PDE10A: variants seen among roughly 807,000 people sequenced by gnomAD.
PDE10A encodes phosphodiesterase 10A, also known as cAMP and cAMP-inhibited cGMP 3',5'-cyclic phosphodiesterase 10A.
Under a neutral mutation model 97.7 loss-of-function variants are expected in PDE10A, and 39 were observed. The ratio of observed to expected loss-of-function variants is 0.40; its 90% CI spans 0.31 to 0.52. PDE10A has a LOEUF of 0.52. PDE10A is among the 20% of genes least tolerant of loss of function. The probability of loss-of-function intolerance (pLI) is 0.56; values close to 1 mark genes in which losing one functional copy is unlikely to be tolerated. For missense variants in PDE10A, 731 were observed against 1,047.8 expected, an observed-to-expected ratio of 0.70 and a Z score of 4.17; for synonymous variants, 371 against 376.8, an observed-to-expected ratio of 0.98 and a Z score of 0.18.
chr6:165,677,243 C>G lies in PDE10A; in HGVS notation c.-614-133675G>C, dbSNP rs2128438324. 2.0e-5 allele frequency among the ~76,000 whole-genome samples: 3 copies of G among 152,322 alleles called. No homozygotes were observed. In the Middle Eastern group the frequency reaches 0.01, roughly 518 times the overall value. ...TTCAAGAGAAAAAGGCTGAGGTCCT[C>G]TAAGGAAGAAGAAATCTGCTTCCCA... On this transcript the variant is annotated intron_variant, in intron 1 of 19. Transcript: ENST00000366882.
chr6:165,964,807 G>A (rs1323133970), intron 1 of PDE10A, among the ~76,000 whole-genome samples: 2 of 152,302 alleles, frequency 1.3e-5, no homozygotes, highest in African/African-American at 2.4e-5. Context: ...ACATAATGAT[G>A]AGAAAGGTGC....
chr6:165,358,855 T>C (rs1783203108), intron 18 of PDE10A, among the ~76,000 whole-genome samples: 1 of 151,844 alleles, frequency 6.6e-6, no homozygotes, highest in Non-Finnish European at 1.5e-5. Context: ...AATATGCATA[T>C]TCTAATCTCT....
intron 1 of PDE10A, among the ~76,000 whole-genome samples, chr6:165,973,194 A>C (rs557283400): frequency 6.6e-6 from 1 of 152,296 alleles, no homozygotes; most frequent in Admixed American, 6.5e-5. Context: ...CGAGGCTGGC[A>C]GATCACATGA....
chr6:165,766,078 C>A (rs1289687614), intron 1 of PDE10A, among the ~76,000 whole-genome samples: 3 of 152,182 alleles, frequency 2.0e-5, no homozygotes, highest in Admixed American at 6.5e-5. Flanking sequence ...CCTCTTAGTT[C>A]CTAACTCTTC....
intron 1 of PDE10A, among the ~76,000 whole-genome samples, chr6:165,604,691 T>C (rs1787126809): frequency 6.6e-6 from 1 of 152,222 alleles, no homozygotes; most frequent in Non-Finnish European, 1.5e-5. Flanking sequence ...AGCAGATCTC[T>C]TAGGTACTTC....
chr6:165,605,008 G>T (rs1787141301), intron 1 of PDE10A, among the ~76,000 whole-genome samples: 2 of 152,182 alleles, frequency 1.3e-5, no homozygotes, highest in African/African-American at 4.8e-5. Context: ...CACCACATTA[G>T]AAGTGTGGTA....
chr6:165,848,772 G>C (rs983732696), intron 1 of PDE10A, among the ~76,000 whole-genome samples: 1 of 152,146 alleles, frequency 6.6e-6, no homozygotes, highest in Non-Finnish European at 1.5e-5. Flanking sequence ...GGGAATCAAG[G>C]TTGGTTAATC....
At chr6:165,860,392 C>A (rs558688821) in intron 1 of PDE10A, among the ~76,000 whole-genome samples, 2 of 152,110 alleles carry the variant, frequency 1.3e-5, no homozygotes, top group African/African-American at 4.8e-5. Flanking sequence ...GCAGAGGTTG[C>A]GGTGAGCCGA....
intron 1 of PDE10A, among the ~76,000 whole-genome samples, chr6:165,903,820 C>T (rs751762197): frequency 3.9e-5 from 6 of 152,076 alleles, no homozygotes; most frequent in East Asian, 1.9e-4. Flanking sequence ...GAGGATGAGA[C>T]GTCCTAGGAA....
At chr6:165,380,235 T>C (rs1270327878) in intron 17 of PDE10A, among the ~76,000 whole-genome samples, 1 of 152,234 alleles carries the variant, frequency 6.6e-6, no homozygotes. Context: ...ATTTTGATAT[T>C]ATTTCATTAT....
At chr6:165,855,304 G>GC (rs1780698095) in intron 1 of PDE10A, among the ~76,000 whole-genome samples, 1 of 66,106 alleles carries the variant, frequency 1.5e-5, no homozygotes, top group East Asian at 3.2e-4. Context: ...GCGGGAAGTG[G>GC]CGGGGGGGGG....
At chr6:165,878,432 G>A (rs1781399757) in intron 1 of PDE10A, among the ~76,000 whole-genome samples, 1 of 152,174 alleles carries the variant, frequency 6.6e-6, no homozygotes, top group African/African-American at 2.4e-5. Context: ...CATCAGCTTT[G>A]AAGCATCAAT....
chr6:165,586,597 G>A (rs1192263775), intron 1 of PDE10A, among the ~76,000 whole-genome samples: 1 of 152,042 alleles, frequency 6.6e-6, no homozygotes, highest in African/African-American at 2.4e-5. Context: ...ATCCACAAGG[G>A]CCAAATGATA....
intron 1 of PDE10A, among the ~76,000 whole-genome samples, chr6:165,705,760 G>T (rs1472343257): frequency 6.6e-6 from 1 of 152,160 alleles, no homozygotes; most frequent in East Asian, 1.9e-4. Flanking sequence ...AAGATGCCAT[G>T]ACTTTAAAAA....
At chr6:165,457,088 T>C (rs1210188481) in intron 3 of PDE10A, among the ~76,000 whole-genome samples, 2 of 152,196 alleles carry the variant, frequency 1.3e-5, no homozygotes, top group African/African-American at 2.4e-5. Flanking sequence ...TCAAATCACA[T>C]ACTTGTAAGA....
intron 18 of PDE10A, among the ~76,000 whole-genome samples, chr6:165,354,366 C>A (rs1481283350): frequency 6.6e-6 from 1 of 152,136 alleles, no homozygotes; most frequent in Non-Finnish European, 1.5e-5. Context: ...CATTGGATAA[C>A]CACATTAGTC....
At chr6:165,542,610 T>C (rs13204530) in intron 2 of PDE10A, among the ~76,000 whole-genome samples, 2 of 140,322 alleles carry the variant, frequency 1.4e-5, no homozygotes, top group African/African-American at 2.8e-5. Flanking sequence ...GATGTCCTTG[T>C]TCTTTTTTTT....
chr6:165,788,518 C>CAAAAAAAAAAAAAAAAAAAA (rs56927613), intron 1 of PDE10A, among the ~76,000 whole-genome samples: 5 of 74,760 alleles, frequency 6.7e-5, no homozygotes, highest in East Asian at 4.7e-4. Context: ...AACTCTGTCT[C>CAAAAAAAAAAAAAAAAAAAA]AAAAAAAAAA....
chr6:165,616,369 T>TGG (rs1275559157), intron 1 of PDE10A, among the ~76,000 whole-genome samples: 1 of 152,166 alleles, frequency 6.6e-6, no homozygotes, highest in African/African-American at 2.4e-5. Flanking sequence ...AGCCATTGCA[T>TGG]GATTTCATGA....
Sources: gnomAD v4.1 joint callset for allele counts (sites outside exome capture counted in the v4.1 genomes callset) on GRCh38, gnomAD v4.1.1 for gene constraint, MANE v1.5 for transcripts, NCBI Gene and HGNC (gene_info 2026-07-23, HGNC 2026-07-21) for gene names.